The following OTOGL variants were observed in gnomAD, a reference collection of about 807,000 sequenced individuals.
OTOGL encodes the protein otogelin like.
Under a neutral mutation model 318.5 loss-of-function variants are expected in OTOGL, and 285 were observed. That is an observed-to-expected ratio of 0.89 (90% CI 0.81 to 0.99). OTOGL has a LOEUF of 0.99. Ranked by LOEUF, OTOGL falls within the 50% of genes least tolerant of loss-of-function variation. The pLI, the probability that OTOGL is intolerant of heterozygous loss-of-function variation, is 0.00. For synonymous variants in OTOGL, 987 were observed against 936.5 expected (o/e 1.05, Z -0.99); for missense variants, 2,899 against 2,845.6 (o/e 1.02, Z -0.43).
At chr12:80,217,527 T>C in intron 4 of OTOGL, 71 bp from the exon 5 acceptor site, 1 of 1,040,406 alleles carries the variant, frequency 9.6e-7, no homozygotes, top group South Asian at 1.5e-5. Flanking sequence ...TTTTCTAGAT[T>C]TGCCAATTTG....
Position 80,336,801 on chromosome 12 carries a change from G to C in OTOGL, c.4748G>C (p.Gly1583Ala). Residue 1583 changes from glycine to alanine, a missense_variant, in exon 41 of 59, where the codon GGA (glycine) becomes GCA (alanine). Physicochemically the swap from Gly to Ala is moderately conservative, Grantham distance 60 (BLOSUM62 0). This residue lies in a region of OTOGL where 2,607 missense variants were observed against 2,524.9 expected (regional missense o/e 1.03). Transcript: ENST00000547103. ...HIEKCSMNQNGNSLKKLAPSG... is the reference protein window; with the variant it reads ...HIEKCSMNQNANSLKKLAPSG... ...TATTTCTTTTTTTTTTTCCAGAATGGAAACTCCTTAAAAAAGCTAGTGAGT... is the reference window on the plus strand; with the variant it reads ...TATTTCTTTTTTTTTTTCCAGAATGCAAACTCCTTAAAAAAGCTAGTGAGT... 1.3e-6 allele frequency: 2 copies of C among 1,521,342 alleles called. No individual in the cohort carries two copies. The highest frequency in any genetic ancestry group is 1.8e-6 in the Non-Finnish European group (2 of 1,124,904). The allele number at this position is 1,521,342 out of a possible 1,614,324, so 94.2% of individuals were successfully genotyped here.
chr12:80,301,431 T>C (rs1885753622), intron 27 of OTOGL, among the ~76,000 whole-genome samples: 1 of 152,214 alleles, frequency 6.6e-6, no homozygotes, highest in South Asian at 2.1e-4. Flanking sequence ...TTTTATTGAC[T>C]ACATTTTGCA....
chr12:80,238,927 C>A lies in OTOGL; in HGVS notation c.894C>A (p.Leu298=). ...CTCCAGATGACACCAAATGTGTACT[C>A]ACACCCTCAGATTTTCCAAATCCGT... is the stretch of plus-strand genomic sequence containing the variant. ...VQTPDDTKCV[L]TPSDFPNPCS... The change falls in exon 10 of 59, where the codon CTC becomes CTA. Residue 298 remains leucine, a synonymous_variant. Coordinates refer to ENST00000547103, the MANE Select transcript of OTOGL (RefSeq NM_001378609.3). 1 of 1,596,116 alleles carries A rather than the reference C, an allele frequency of 6.3e-7. No homozygotes were observed.
At chr12:80,293,674 G>T (rs545189810) in intron 26 of OTOGL, among the ~76,000 whole-genome samples, 14 of 148,420 alleles carry the variant, frequency 9.4e-5, no homozygotes, top group African/African-American at 3.0e-4. Flanking sequence ...TTTTTTACCT[G>T]GTCAGCTCCT....
At chr12:80,159,960 A>G (rs1226249567) in intron 1 of OTOGL, among the ~76,000 whole-genome samples, 1 of 152,032 alleles carries the variant, frequency 6.6e-6, no homozygotes, top group African/African-American at 2.4e-5. Context: ...CTCACAGCCA[A>G]ATGATTTTTG....
At chr12:80,260,228 C>T (rs910093067) in intron 18 of OTOGL, among the ~76,000 whole-genome samples, 1 of 152,074 alleles carries the variant, frequency 6.6e-6, no homozygotes, top group Non-Finnish European at 1.5e-5. Flanking sequence ...TATCTTGTCT[C>T]CTTGTCTTCC....
intron 26 of OTOGL, among the ~76,000 whole-genome samples, chr12:80,279,646 T>C (rs554959918): frequency 6.6e-6 from 1 of 151,800 alleles, no homozygotes; most frequent in African/African-American, 2.4e-5. Flanking sequence ...CCATGTAATA[T>C]TCCATGGTGT....
intron 44 of OTOGL, among the ~76,000 whole-genome samples, chr12:80,351,409 G>A (rs556785231): frequency 6.6e-6 from 1 of 151,902 alleles, no homozygotes; most frequent in South Asian, 2.1e-4. Context: ...TCTGCCTCCC[G>A]GGTTCAAGAG....
At position 80,372,053 on chromosome 12, in the gene OTOGL, G is replaced by A. The variant is rs774032993; in HGVS notation, c.6770G>A (p.Cys2257Tyr). 6.4e-7 allele frequency: 1 copy of A among 1,552,238 alleles called. No individual in the cohort carries two copies. The change falls in exon 57 of 59, where the codon TGT becomes TAT. Residue 2257 changes from cysteine to tyrosine, a missense_variant. Physicochemically the swap from Cys to Tyr is radical, Grantham distance 194. Around this residue, in one of 3 missense-constraint regions of OTOGL, gnomAD observed 289 missense variants for 304.6 expected, o/e 0.95. Coordinates refer to ENST00000547103, the MANE Select transcript of OTOGL (RefSeq NM_001378609.3). ...EGIVKLYNEG[C>Y]CKICKREERI... ...ATTGTGAAGCTTTATAATGAAGGCTGTTGCAAGATCTGTAAGTGAGAGCAT... is the reference window on the plus strand; with the variant it reads ...ATTGTGAAGCTTTATAATGAAGGCTATTGCAAGATCTGTAAGTGAGAGCAT...
chr12:80,117,292 T>C (rs750334977), intron 1 of OTOGL, among the ~76,000 whole-genome samples: 1 of 152,174 alleles, frequency 6.6e-6, no homozygotes, highest in East Asian at 1.9e-4. Flanking sequence ...ATGGAACTCA[T>C]CGTGTTCTTT....
intron 1 of OTOGL, among the ~76,000 whole-genome samples, chr12:80,122,321 A>T (rs1380937334): frequency 6.6e-6 from 1 of 152,198 alleles, no homozygotes; most frequent in East Asian, 1.9e-4. Flanking sequence ...TGTTTCCTTT[A>T]TGCAACCATT....
At chr12:80,103,392 C>T in intron 1 of OTOGL, 2 of 829,356 alleles carry the variant, frequency 2.4e-6, no homozygotes, top group Non-Finnish European at 4.0e-6. Context: ...GCTTCACATT[C>T]CTTTTGACTG....
chr12:80,256,225 C>G, intron 16 of OTOGL, 112 bp from the exon 17 acceptor site: 1,450 of 1,022,506 alleles, frequency 1.4e-3, no homozygotes, highest in Non-Finnish European at 1.8e-3. Context: ...CTTTTTTGTT[C>G]TCTCCTCTCT....
At chr12:80,135,966 C>G (rs776535066) in intron 1 of OTOGL, among the ~76,000 whole-genome samples, 28 of 152,300 alleles carry the variant, frequency 1.8e-4, no homozygotes, top group Non-Finnish European at 3.7e-4. Context: ...TGGACTCAAA[C>G]TGGGATATTG....
intron 1 of OTOGL, among the ~76,000 whole-genome samples, chr12:80,139,995 A>G (rs1348838923): frequency 6.6e-6 from 1 of 152,188 alleles, no homozygotes; most frequent in Non-Finnish European, 1.5e-5. Context: ...TAAAGACATC[A>G]TCATTCTCTT....
chr12:80,359,991 T>G (rs184651394), intron 52 of OTOGL, among the ~76,000 whole-genome samples: 1 of 152,336 alleles, frequency 6.6e-6, no homozygotes, highest in African/African-American at 2.4e-5. Flanking sequence ...GGATTGCTTT[T>G]TGTGTGTGTA....
rs375801350 is a variant in OTOGL, at chr12:80,358,543, G to T, written c.6122-128G>T. ...CTTCACCAACACATGGCAATCTGAC[G>T]GTGGGAGAGGTAGCACTTGGGAAAT... On this transcript the variant is annotated intron_variant, in intron 50 of 58. Transcript: ENST00000547103. 3.0e-4 allele frequency: 256 copies of T among 846,294 alleles called. 7 individuals are homozygous for T. In the Middle Eastern group the frequency reaches 0.011, roughly 35 times the overall value. The allele number at this position is 846,294 out of a possible 1,614,324, so 52.4% of individuals were successfully genotyped here. A position where few individuals can be genotyped will look rare whatever the true frequency, so the allele number is the denominator to read the frequency against.
At chr12:80,227,148 C>CT (rs2137379892) in intron 7 of OTOGL, among the ~76,000 whole-genome samples, 1 of 152,150 alleles carries the variant, frequency 6.6e-6, no homozygotes, top group Non-Finnish European at 1.5e-5. Flanking sequence ...CTATTTTCCA[C>CT]TTTTTTCCTT....
chr12:80,182,352 A>G (rs1314823240), intron 1 of OTOGL, among the ~76,000 whole-genome samples: 1 of 152,232 alleles, frequency 6.6e-6, no homozygotes, highest in Non-Finnish European at 1.5e-5. Flanking sequence ...CATGCTAGAC[A>G]GCAGGCAATA....
Sources: allele counts gnomAD v4.1 joint callset (sites outside exome capture counted in the v4.1 genomes callset), GRCh38; gene constraint gnomAD v4.1.1; regional missense constraint gnomAD v4.1.1; transcripts MANE v1.5; gene names NCBI Gene and HGNC (gene_info 2026-07-23, HGNC 2026-07-21).